SEMA5A: variants seen among roughly 807,000 people sequenced by gnomAD.
The protein encoded by SEMA5A is semaphorin 5A.
In SEMA5A, 55 loss-of-function variants were observed where a neutral mutation model predicts 135.5. The ratio of observed to expected loss-of-function variants is 0.41; its 90% CI spans 0.33 to 0.51. The LOEUF (loss-of-function observed/expected upper bound fraction) is 0.51, where lower values mean the gene tolerates loss of function less well. SEMA5A is among the 20% of genes least tolerant of loss of function. The pLI, the probability that SEMA5A is intolerant of heterozygous loss-of-function variation, is 0.37. For synonymous variants in SEMA5A, 580 were observed against 546.5 expected (o/e 1.06, Z -0.85); for missense variants, 1,290 against 1,419.9 (o/e 0.91, Z 1.47).
chr5:9,492,482 C>T (rs1028737683), intron 1 of SEMA5A, among the ~76,000 whole-genome samples: 3 of 152,166 alleles, frequency 2.0e-5, no homozygotes, highest in African/African-American at 7.2e-5. Flanking sequence ...GGAAACCAGG[C>T]TCTATGCATG....
At chr5:9,126,264 C>A (rs2150194704) in intron 13 of SEMA5A, among the ~76,000 whole-genome samples, 1 of 152,134 alleles carries the variant, frequency 6.6e-6, no homozygotes, top group Non-Finnish European at 1.5e-5. Context: ...CTGGAGCAAT[C>A]CTTAGTTGAA....
intron 2 of SEMA5A, among the ~76,000 whole-genome samples, chr5:9,404,977 G>A (rs552273626): frequency 1.3e-5 from 2 of 152,320 alleles, no homozygotes; most frequent in Admixed American, 1.3e-4. Context: ...GCTCTCCAGA[G>A]TATGTTCTCT....
At chr5:9,502,571 A>T (rs1735650951) in intron 1 of SEMA5A, among the ~76,000 whole-genome samples, 1 of 152,154 alleles carries the variant, frequency 6.6e-6, no homozygotes, top group South Asian at 2.1e-4. Context: ...GAGCTTACAG[A>T]GTTGCATGGG....
At chr5:9,425,104 G>A (rs1333380425) in intron 2 of SEMA5A, among the ~76,000 whole-genome samples, 2 of 152,140 alleles carry the variant, frequency 1.3e-5, no homozygotes, top group Non-Finnish European at 1.5e-5. Flanking sequence ...CCACCTCTGT[G>A]GTCTCAATTC....
chr5:9,356,620 G>A (rs1232546871), intron 3 of SEMA5A, among the ~76,000 whole-genome samples: 1 of 152,184 alleles, frequency 6.6e-6, no homozygotes, highest in Non-Finnish European at 1.5e-5. Flanking sequence ...GGTGTGTGAG[G>A]AAGTTGTGCA....
At chr5:9,209,353 T>C (rs566699391) in intron 8 of SEMA5A, among the ~76,000 whole-genome samples, 1 of 152,282 alleles carries the variant, frequency 6.6e-6, no homozygotes, top group Non-Finnish European at 1.5e-5. Context: ...TTTCTGAAAA[T>C]TGTCAAAACA....
intron 16 of SEMA5A, among the ~76,000 whole-genome samples, chr5:9,082,057 T>C (rs1738416844): frequency 6.6e-6 from 1 of 152,216 alleles, no homozygotes; most frequent in Admixed American, 6.5e-5. Context: ...GAGCCCTTTT[T>C]CTCAAGAGCT....
intron 9 of SEMA5A, among the ~76,000 whole-genome samples, chr5:9,198,982 A>G (rs1258957995): frequency 1.3e-5 from 2 of 152,134 alleles, no homozygotes; most frequent in Non-Finnish European, 2.9e-5. Flanking sequence ...ACAGATCCTG[A>G]GAAGACCCTG....
chr5:9,462,354 A>C (rs537250089), intron 1 of SEMA5A, among the ~76,000 whole-genome samples: 22 of 152,298 alleles, frequency 1.4e-4, no homozygotes, highest in Admixed American at 2.6e-4. Flanking sequence ...AGAGAAAACC[A>C]ATGCTTAGAC....
intron 1 of SEMA5A, among the ~76,000 whole-genome samples, chr5:9,502,153 G>A (rs978434364): frequency 7.2e-5 from 11 of 152,128 alleles, no homozygotes; most frequent in African/African-American, 2.7e-4. Flanking sequence ...GTCACTGAAA[G>A]ATCCAGGTTA....
chr5:9,203,197 G>A lies in SEMA5A; in HGVS notation c.647-957C>T, dbSNP rs3026337. On this transcript the variant is annotated intron_variant, in intron 8 of 22. Coordinates refer to ENST00000382496, the MANE Select transcript of SEMA5A (RefSeq NM_003966.3). ...CTCTAATCACAAGGTTTTATTCTTC[G>A]CTATTTCTAAATGCTATTCATTCAA... 7.2e-4 allele frequency among the ~76,000 whole-genome samples: 109 copies of A among 152,112 alleles called. No homozygotes were observed. In the Middle Eastern group the frequency reaches 0.031, roughly 43 times the overall value.
intron 18 of SEMA5A, among the ~76,000 whole-genome samples, chr5:9,060,006 C>G (rs1349119946): frequency 6.6e-6 from 1 of 152,144 alleles, no homozygotes; most frequent in Admixed American, 6.5e-5. Context: ...CTCTAACTGG[C>G]TTCCTGGTGA....
At chr5:9,483,349 C>G (rs1759953382) in intron 1 of SEMA5A, among the ~76,000 whole-genome samples, 1 of 152,134 alleles carries the variant, frequency 6.6e-6, no homozygotes, top group Admixed American at 6.6e-5. Context: ...CTCGTCCTAT[C>G]TGCATAATGT....
chr5:9,207,589 A>G (rs1465461282), intron 8 of SEMA5A, among the ~76,000 whole-genome samples: 1 of 152,134 alleles, frequency 6.6e-6, no homozygotes, highest in Non-Finnish European at 1.5e-5. Flanking sequence ...CTGTTCCTAA[A>G]TTGTTGGTAT....
At chr5:9,228,775 A>T (rs888289975) in intron 6 of SEMA5A, among the ~76,000 whole-genome samples, 1 of 152,254 alleles carries the variant, frequency 6.6e-6, no homozygotes, top group Non-Finnish European at 1.5e-5. Flanking sequence ...GGCATGAAAG[A>T]TGCTGCATGA....
intron 1 of SEMA5A, among the ~76,000 whole-genome samples, chr5:9,514,514 A>T (rs1000034804): frequency 2.0e-5 from 3 of 152,292 alleles, no homozygotes; most frequent in Non-Finnish European, 4.4e-5. Context: ...ACAGATGCTC[A>T]TGTCCCTGAT....
At chr5:9,182,656 T>C (rs1744585827) in intron 11 of SEMA5A, among the ~76,000 whole-genome samples, 1 of 151,674 alleles carries the variant, frequency 6.6e-6, no homozygotes, top group East Asian at 1.9e-4. Context: ...CCTTGATGAC[T>C]TCAATAGCTT....
intron 5 of SEMA5A, among the ~76,000 whole-genome samples, chr5:9,279,245 A>G (rs1750420683): frequency 6.6e-6 from 1 of 152,198 alleles, no homozygotes; most frequent in African/African-American, 2.4e-5. Flanking sequence ...TTAAGATTGA[A>G]TGATGGCCCT....
intron 17 of SEMA5A, among the ~76,000 whole-genome samples, chr5:9,063,381 A>G (rs886920484): frequency 2.6e-5 from 4 of 152,244 alleles, no homozygotes; most frequent in Non-Finnish European, 5.9e-5. Flanking sequence ...TAGATTCTAT[A>G]TAGGTAGTTC....
Sources: allele counts gnomAD v4.1 joint callset (sites outside exome capture counted in the v4.1 genomes callset), GRCh38; gene constraint gnomAD v4.1.1; transcripts MANE v1.5; gene names NCBI Gene and HGNC (gene_info 2026-07-23, HGNC 2026-07-21).